PPP2R1A: variants seen among roughly 807,000 people sequenced by gnomAD.
PPP2R1A encodes the protein protein phosphatase 2 scaffold subunit Aalpha, also known as serine/threonine-protein phosphatase 2A 65 kDa regulatory subunit A alpha isoform.
A neutral mutation model predicts 67.1 loss-of-function variants in PPP2R1A; 15 were observed. The observed-to-expected ratio is 0.22, with a 90% CI of 0.15 to 0.34. The LOEUF (loss-of-function observed/expected upper bound fraction) is 0.34, where lower values mean the gene tolerates loss of function less well. PPP2R1A is among the 10% of genes least tolerant of loss of function. The probability of loss-of-function intolerance (pLI) is 1.00; values close to 1 mark genes in which losing one functional copy is unlikely to be tolerated. For missense variants in PPP2R1A, 369 were observed against 775.0 expected, an observed-to-expected ratio of 0.48 and a Z score of 6.22; for synonymous variants, 337 against 325.0, an observed-to-expected ratio of 1.04 and a Z score of -0.40.
intron 6 of PPP2R1A, among the ~76,000 whole-genome samples, chr19:52,214,700 A>G (rs1978453500): frequency 1.3e-5 from 2 of 151,146 alleles, no homozygotes; most frequent in Admixed American, 6.6e-5. Flanking sequence ...GCCTGGTGCC[A>G]TGAAACAGGC....
At chr19:52,197,503 C>T (rs1159600908) in intron 1 of PPP2R1A, among the ~76,000 whole-genome samples, 1 of 152,034 alleles carries the variant, frequency 6.6e-6, no homozygotes, top group Non-Finnish European at 1.5e-5. Context: ...AGTGAGGCCT[C>T]ATCCCTACAA....
chr19:52,201,928 C>T lies in PPP2R1A; in HGVS notation c.79-16C>T, dbSNP rs757143630. 26 of 1,612,580 alleles carry T rather than the reference C, an allele frequency of 1.6e-5. No homozygotes were observed. The highest frequency in any genetic ancestry group is 2.2e-5 in the Non-Finnish European group (26 of 1,178,790). On this transcript the variant is annotated splice_polypyrimidine_tract_variant and intron_variant, in intron 1 of 14. Transcript: ENST00000322088. ...ATTTCTAACATTCTCCCCTCCTCTT[C>T]TTGTTCTCTCATTAGCTTCGCCTCA...
intron 13 of PPP2R1A, among the ~76,000 whole-genome samples, chr19:52,223,783 T>G (rs996929355): frequency 2.0e-5 from 3 of 152,194 alleles, no homozygotes; most frequent in African/African-American, 7.2e-5. Context: ...TAGGGTTTGA[T>G]CACTCTGAAA....
rs746960468 is a variant in PPP2R1A at position 52,212,410 on chromosome 19, A to G, written c.504-276A>G. On this transcript the variant is annotated intron_variant, in intron 4 of 14. Coordinates refer to ENST00000322088, the MANE Select transcript of PPP2R1A (RefSeq NM_014225.6). This position sits in a 1 kb window ranked among gnomAD's most constrained non-coding sequence, Gnocchi z 4.1. ...CGTTGGTTAAGCAATTTTTATGGGA[A>G]TGATGTAATCGTCAGCACTTAGCAT... 1 of 444,408 alleles carries G rather than the reference A, an allele frequency of 2.3e-6. No homozygotes were observed. Among genetic ancestry groups the G allele is most frequent in the Non-Finnish European group, 4.0e-6 (1 of 247,470 alleles). 27.5% of individuals were successfully genotyped at this position (444,408 alleles called of 1,614,324 possible). A position where few individuals can be genotyped will look rare whatever the true frequency, so the allele number is the denominator to read the frequency against.
intron 9 of PPP2R1A, among the ~76,000 whole-genome samples, chr19:52,218,614 T>C (rs537982118): frequency 6.6e-6 from 1 of 152,224 alleles, no homozygotes; most frequent in African/African-American, 2.4e-5. Flanking sequence ...TTTATAGATA[T>C]TAATACAATT....
In PPP2R1A at chr19:52,226,151, C is replaced by T. The variant is rs986406231; in HGVS notation, c.*170C>T. ...CTCTCCCCAGCCTGGGAAGATGTCT[C>T]ACTGTCCACCTCCCAACGGGCTAGG... On this transcript the variant is annotated 3_prime_UTR_variant, in exon 15 of 15. Coordinates refer to ENST00000322088, the MANE Select transcript of PPP2R1A (RefSeq NM_014225.6). The T allele has an allele frequency of 1.6e-4, 168 of 1,021,008 alleles. 1 individual carries two copies. The South Asian group carries it at 2.3e-3, about 14-fold the overall frequency. 63.2% of individuals were successfully genotyped at this position (1,021,008 alleles called of 1,614,324 possible).
At chr19:52,200,931 C>T (rs148005542) in intron 1 of PPP2R1A, among the ~76,000 whole-genome samples, 1,409 of 114,824 alleles carry the variant, frequency 0.012, 33 homozygotes, top group African/African-American at 0.013. Context: ...ACTGTTTTGA[C>T]GTGCACGTCA....
At position 52,216,160 on chromosome 19, in the gene PPP2R1A, C is replaced by G. The variant is rs1212827365; in HGVS notation, c.993+86C>G. On this transcript the variant is annotated intron_variant, in intron 8 of 14. Transcript: ENST00000322088. The surrounding 1 kb of genome is among the most constrained non-coding windows in gnomAD (Gnocchi z 4.3). ...GAGACAAGGCTTTGGGGATAGTCAGCTGCAAACTAGGTTCCCAGCCCTCTG... is the reference window on the plus strand; with the variant it reads ...GAGACAAGGCTTTGGGGATAGTCAGGTGCAAACTAGGTTCCCAGCCCTCTG... The G allele has an allele frequency of 6.9e-7, 1 of 1,456,328 alleles. No individual in the cohort carries two copies. The highest frequency in any genetic ancestry group is 9.6e-7 in the Non-Finnish European group (1 of 1,045,460). The allele number at this position is 1,456,328 out of a possible 1,614,324, so 90.2% of individuals were successfully genotyped here.
intron 1 of PPP2R1A, among the ~76,000 whole-genome samples, chr19:52,195,651 C>T (rs1390653336): frequency 6.6e-6 from 1 of 152,164 alleles, no homozygotes; most frequent in Non-Finnish European, 1.5e-5. Context: ...GATTAATATG[C>T]TAGAGCAGCT....
At position 52,190,317 on chromosome 19, in the gene PPP2R1A, T is replaced by G. The variant is rs891861399; in HGVS notation, c.78+143T>G. On this transcript the variant is annotated intron_variant, in intron 1 of 14. Coordinates refer to ENST00000322088, the MANE Select transcript of PPP2R1A (RefSeq NM_014225.6). ...AGCGTGCGTCTCTTATCTCCCCGGTTGCCCGGACTCCTTGAGACGGCGCTC... is the reference window on the plus strand; with the variant it reads ...AGCGTGCGTCTCTTATCTCCCCGGTGGCCCGGACTCCTTGAGACGGCGCTC... 1.0e-5 allele frequency: 10 copies of G among 995,346 alleles called. No homozygotes were observed. In the Admixed American group the frequency reaches 2.5e-4, roughly 25 times the overall value. The allele number at this position is 995,346 out of a possible 1,614,324, so 61.7% of individuals were successfully genotyped here. A position where few individuals can be genotyped will look rare whatever the true frequency, so the allele number is the denominator to read the frequency against.
intron 6 of PPP2R1A, among the ~76,000 whole-genome samples, chr19:52,214,347 G>A (rs34500002): frequency 0.25 from 37,239 of 151,932 alleles, 4,701 homozygotes; most frequent in Middle Eastern, 0.27. Flanking sequence ...GGTTCCCACT[G>A]GCATTTGCGG....
In PPP2R1A at chr19:52,220,257, CCT is replaced by C. The variant is rs765079922; in HGVS notation, c.1363+9_1363+10del. On this transcript the variant is annotated intron_variant, in intron 11 of 14. Transcript: ENST00000322088. ...CCTGGCTTGTGGATCATGGTGAGTA[CCT>C]TCACAGGAGCAGCAAGAGGAGATGG... 2.3e-5 allele frequency: 37 copies of C among 1,613,206 alleles called. No homozygotes were observed. The highest frequency in any genetic ancestry group is 3.1e-5 in the Non-Finnish European group (37 of 1,179,446).
intron 2 of PPP2R1A, among the ~76,000 whole-genome samples, chr19:52,202,558 G>A (rs761621170): frequency 7.9e-5 from 12 of 152,216 alleles, no homozygotes; most frequent in Non-Finnish European, 1.5e-4. Flanking sequence ...AGTGCTTTAA[G>A]CAGGTAATAC....
rs982279933 is a variant in PPP2R1A, at chr19:52,211,704, T to C, written c.503+212T>C. On this transcript the variant is annotated intron_variant, in intron 4 of 14. Transcript: ENST00000322088. The surrounding 1 kb of genome is among the most constrained non-coding windows in gnomAD (Gnocchi z 5.3). ...TACCCACCTCTGCCCCCTTGCTCAC[T>C]TAGGAATTGAGATGATGACAGGTCC... 2.9e-5 allele frequency: 17 copies of C among 586,050 alleles called. No individual in the cohort carries two copies. Among genetic ancestry groups the C allele is most frequent in the African/African-American group, 2.6e-4 (14 of 53,622 alleles). 36.3% of individuals were successfully genotyped at this position (586,050 alleles called of 1,614,324 possible).
At chr19:52,202,747 G>A (rs2089563727) in intron 2 of PPP2R1A, among the ~76,000 whole-genome samples, 1 of 152,210 alleles carries the variant, frequency 6.6e-6, no homozygotes, top group African/African-American at 2.4e-5. Flanking sequence ...CACTTTCTAG[G>A]TGTGTGACTT....
Position 52,225,757 on chromosome 19 carries a change from A to G in PPP2R1A, c.1702A>G (p.Thr568Ala). Residue 568 changes from threonine to alanine, a missense_variant, in exon 14 of 15, where the codon ACC becomes GCC. Thr to Ala is a moderately conservative substitution (Grantham distance 58). Transcript: ENST00000322088. Reference sequence around the variant, plus strand: ...AGTCAAGCCCATCCTAGAGAAGCTGACCCAGGACCAGGATGTGGACGTCAA... The same window carrying G: ...AGTCAAGCCCATCCTAGAGAAGCTGGCCCAGGACCAGGATGTGGACGTCAA... ...SEVKPILEKL[T>A]QDQDVDVKYF... The G allele has an allele frequency of 6.2e-7, 1 of 1,614,166 alleles. No homozygotes were observed. The highest frequency in any genetic ancestry group is 2.2e-5 in the East Asian group (1 of 44,864).
rs544325921 is a variant in PPP2R1A at position 52,218,909 on chromosome 19, C to A, written c.1129-782C>A. 6.6e-5 allele frequency among the ~76,000 whole-genome samples: 10 copies of A among 152,304 alleles called. No homozygotes were observed. In the East Asian group the frequency reaches 1.9e-3, roughly 29 times the overall value. ...GGCAGCTTCTCTTAGAAGAAAAGAA[C>A]CAGCATGGTTTTCTTGGTGTGAGGA... On this transcript the variant is annotated intron_variant, in intron 9 of 14. Transcript: ENST00000322088.
Position 52,227,398 on chromosome 19 carries a change from G to T in PPP2R1A, c.*1417G>T, listed in dbSNP as rs907515992. The T allele has an allele frequency of 1.3e-5, 2 of 152,208 alleles. No individual in the cohort carries two copies. Among genetic ancestry groups the T allele is most frequent in the African/African-American group, 4.8e-5 (2 of 41,440 alleles). The allele number at this position is 152,208 out of a possible 1,614,324, so 9.4% of individuals were successfully genotyped here. On this transcript the variant is annotated 3_prime_UTR_variant, in exon 15 of 15. Coordinates refer to ENST00000322088, the MANE Select transcript of PPP2R1A (RefSeq NM_014225.6). ...CCCGAGGCTGTGAAGAGCCATGCCA[G>T]TACTGTCACCTGGGAGAATTAAACT...
At chr19:52,214,827 A>G (rs1004176525) in intron 6 of PPP2R1A, among the ~76,000 whole-genome samples, 3 of 151,616 alleles carry the variant, frequency 2.0e-5, no homozygotes, top group African/African-American at 7.3e-5. Context: ...CCCAGACTCA[A>G]GTGATTCTCG....
Sources: gnomAD v4.1 joint callset for allele counts (sites outside exome capture counted in the v4.1 genomes callset) on GRCh38, gnomAD v4.1.1 for gene constraint, Gnocchi (gnomAD v3.1) non-coding constraint, MANE v1.5 for transcripts, NCBI Gene and HGNC (gene_info 2026-07-23, HGNC 2026-07-21) for gene names.